The following GPC5 variants were observed in gnomAD, a reference collection of about 807,000 sequenced individuals.
The protein encoded by GPC5 is glypican-5.
GPC5 carries 47 observed loss-of-function variants against 53.9 expected under a neutral mutation model. The observed-to-expected ratio is 0.87, with a 90% CI of 0.69 to 1.11. The LOEUF is 1.11. Among genes scored for constraint, GPC5 ranks in the 50% most tolerant of loss-of-function variants. The probability of loss-of-function intolerance (pLI) is 0.00; values close to 1 mark genes in which losing one functional copy is unlikely to be tolerated. For missense variants in GPC5, 748 were observed against 713.1 expected (o/e 1.05, Z -0.56); for synonymous variants, 286 against 263.3 (o/e 1.09, Z -0.84).
intron 2 of GPC5, among the ~76,000 whole-genome samples, chr13:91,601,703 T>C (rs974114190): frequency 6.6e-6 from 1 of 152,122 alleles, no homozygotes; most frequent in Non-Finnish European, 1.5e-5. Context: ...TGTCACTGTC[T>C]CCCATCACCC....
At chr13:92,053,195 A>G (rs747992027) in intron 6 of GPC5, among the ~76,000 whole-genome samples, 33 of 152,324 alleles carry the variant, frequency 2.2e-4, no homozygotes, top group Non-Finnish European at 4.6e-4. Context: ...TGCTGAATAA[A>G]GTTTCAATTC....
chr13:91,934,647 C>T (rs2139036498), intron 6 of GPC5, among the ~76,000 whole-genome samples: 1 of 151,986 alleles, frequency 6.6e-6, no homozygotes, highest in African/African-American at 2.4e-5. Flanking sequence ...CCCTTTTTGG[C>T]TCATAAACAT....
rs142267063 is a variant in GPC5, at chr13:92,406,071, T to C, written c.1561+261082T>C. The stretch of plus-strand genomic sequence containing the variant: ...TGCGTATCTAAGGTCATTTTTTCTA[T>C]TTAACCTACTGTTCACCCTTTGTGT... On this transcript the variant is annotated intron_variant, in intron 7 of 7. Coordinates refer to ENST00000377067, the MANE Select transcript of GPC5 (RefSeq NM_004466.6). Among the ~76,000 whole-genome samples, 13 of 152,354 alleles carry C rather than the reference T, an allele frequency of 8.5e-5. No homozygotes were observed. In the East Asian group the frequency reaches 2.5e-3, roughly 29 times the overall value.
chr13:92,721,889 A>G (rs1004717413), intron 7 of GPC5, among the ~76,000 whole-genome samples: 25 of 151,996 alleles, frequency 1.6e-4, no homozygotes, highest in African/African-American at 6.0e-4. Context: ...TTCCATTATA[A>G]AACTGTCATT....
At chr13:91,484,374 A>T (rs1182995208) in intron 2 of GPC5, among the ~76,000 whole-genome samples, 1 of 152,228 alleles carries the variant, frequency 6.6e-6, no homozygotes, top group Non-Finnish European at 1.5e-5. Flanking sequence ...TTAAAAAAGC[A>T]TGTTTTATAT....
At chr13:91,539,538 T>C (rs1015152809) in intron 2 of GPC5, among the ~76,000 whole-genome samples, 2 of 152,154 alleles carry the variant, frequency 1.3e-5, no homozygotes, top group African/African-American at 4.8e-5. Context: ...TTCCCATCAA[T>C]TAAAATCTCC....
At chr13:92,837,842 C>T (rs186483604) in intron 7 of GPC5, among the ~76,000 whole-genome samples, 1 of 151,798 alleles carries the variant, frequency 6.6e-6, no homozygotes, top group Admixed American at 6.6e-5. Flanking sequence ...CCTGTAATCC[C>T]AGCACTTTGG....
chr13:91,929,703 G>A (rs971214794), intron 6 of GPC5, among the ~76,000 whole-genome samples: 12 of 152,062 alleles, frequency 7.9e-5, no homozygotes, highest in Non-Finnish European at 1.6e-4. Context: ...AACCACAATA[G>A]TGGTACATTT....
chr13:91,444,102 T>C (rs1292849937), intron 1 of GPC5, among the ~76,000 whole-genome samples: 1 of 152,198 alleles, frequency 6.6e-6, no homozygotes, highest in Non-Finnish European at 1.5e-5. Flanking sequence ...TTCATTCTTT[T>C]TGATTTTTCA....
At chr13:92,394,448 A>G (rs1351926736) in intron 7 of GPC5, among the ~76,000 whole-genome samples, 8 of 152,126 alleles carry the variant, frequency 5.3e-5, no homozygotes, top group African/African-American at 1.9e-4. Context: ...GACCCCAGAG[A>G]GCACTTTAGC....
chr13:91,680,058 G>A (rs1346936849), intron 2 of GPC5, among the ~76,000 whole-genome samples: 1 of 152,068 alleles, frequency 6.6e-6, no homozygotes, highest in Non-Finnish European at 1.5e-5. Context: ...ACAACGTACT[G>A]TATTTGCTGG....
intron 2 of GPC5, among the ~76,000 whole-genome samples, chr13:91,672,071 A>T (rs2035263307): frequency 6.6e-6 from 1 of 152,178 alleles, no homozygotes; most frequent in Non-Finnish European, 1.5e-5. Flanking sequence ...CCACTTCCTT[A>T]CACCTTATAC....
intron 6 of GPC5, among the ~76,000 whole-genome samples, chr13:91,955,874 C>T (rs1219246936): frequency 1.3e-5 from 2 of 152,214 alleles, no homozygotes; most frequent in East Asian, 3.9e-4. Context: ...CCTGCAGTGA[C>T]AGTTGCAGCT....
At chr13:91,753,487 A>G (rs1430443996) in intron 4 of GPC5, among the ~76,000 whole-genome samples, 2 of 152,298 alleles carry the variant, frequency 1.3e-5, no homozygotes, top group Non-Finnish European at 2.9e-5. Flanking sequence ...GTTCACTGAC[A>G]GGCTCCTTCT....
At chr13:92,092,106 A>G (rs775950273) in intron 6 of GPC5, among the ~76,000 whole-genome samples, 57 of 152,168 alleles carry the variant, frequency 3.7e-4, no homozygotes, top group Non-Finnish European at 6.6e-4. Flanking sequence ...ACTTGTTGCT[A>G]TATATCTCTT....
intron 6 of GPC5, among the ~76,000 whole-genome samples, chr13:92,046,991 A>G (rs1225718630): frequency 6.6e-6 from 1 of 152,206 alleles, no homozygotes; most frequent in Non-Finnish European, 1.5e-5. Context: ...GCCTCATTAA[A>G]TGCAGTAGAT....
intron 6 of GPC5, among the ~76,000 whole-genome samples, chr13:92,049,109 G>T (rs1483575037): frequency 6.6e-6 from 1 of 152,112 alleles, no homozygotes; most frequent in Non-Finnish European, 1.5e-5. Flanking sequence ...AAGTCACGGA[G>T]GGATAGCTTA....
At chr13:92,751,311 A>AAAAAAAAAAAAAAAAC (rs1889387956) in intron 7 of GPC5, among the ~76,000 whole-genome samples, 1 of 130,618 alleles carries the variant, frequency 7.7e-6, no homozygotes, top group Non-Finnish European at 1.5e-5. Context: ...TTTAAAAAAA[A>AAAAAAAAAAAAAAAAC]AAAAAAAAAA....
intron 4 of GPC5, among the ~76,000 whole-genome samples, chr13:91,745,573 G>A (rs1015919925): frequency 3.3e-5 from 5 of 151,978 alleles, no homozygotes; most frequent in African/African-American, 4.8e-5. Context: ...TCATGTGAGG[G>A]AGATGACTTC....
Sources: gnomAD v4.1 joint callset for allele counts (sites outside exome capture counted in the v4.1 genomes callset) on GRCh38, gnomAD v4.1.1 for gene constraint, MANE v1.5 for transcripts, NCBI Gene and HGNC (gene_info 2026-07-23, HGNC 2026-07-21) for gene names.